SHANK2: variants seen among roughly 807,000 people sequenced by gnomAD.
The protein encoded by SHANK2 is SH3 and multiple ankyrin repeat domains 2.
Under a neutral mutation model 133.7 loss-of-function variants are expected in SHANK2, and 43 were observed. That is an observed-to-expected ratio of 0.32 (90% confidence interval 0.25 to 0.41). SHANK2 has a LOEUF of 0.41. SHANK2 is among the 10% of genes least tolerant of loss of function. SHANK2 has a pLI of 1.00. For missense variants in SHANK2, 1,994 were observed against 2,235.8 expected, an observed-to-expected ratio of 0.89 and a Z score of 2.18; for synonymous variants, 1,017 against 952.8, an observed-to-expected ratio of 1.07 and a Z score of -1.24.
At chr11:70,623,397 GATC>G (rs2060859455) in intron 17 of SHANK2, among the ~76,000 whole-genome samples, 1 of 152,224 alleles carries the variant, frequency 6.6e-6, no homozygotes, top group Non-Finnish European at 1.5e-5. Context: ...CCTTTTGGAG[GATC>G]ATCGTTATTT....
chr11:71,152,980 A>G (rs1472679939), intron 2 of SHANK2, among the ~76,000 whole-genome samples: 4 of 152,228 alleles, frequency 2.6e-5, no homozygotes, highest in Non-Finnish European at 5.9e-5. Flanking sequence ...ACTTTACTGC[A>G]TGTCCCAAAT....
chr11:71,086,529 A>T (rs1287852300), intron 8 of SHANK2, among the ~76,000 whole-genome samples: 1 of 142,538 alleles, frequency 7.0e-6, no homozygotes, highest in Non-Finnish European at 1.5e-5. Flanking sequence ...ATATAATATA[A>T]ATATATATAA....
intron 2 of SHANK2, among the ~76,000 whole-genome samples, chr11:71,157,530 C>T (rs183260379): frequency 6.6e-6 from 1 of 152,276 alleles, no homozygotes; most frequent in Admixed American, 6.5e-5. Context: ...TTTCTTTGGC[C>T]AGACTCAACA....
intron 9 of SHANK2, among the ~76,000 whole-genome samples, chr11:71,059,233 T>TAAAATA (rs1349305458): frequency 8.6e-5 from 13 of 151,476 alleles, no homozygotes; most frequent in African/African-American, 3.2e-4. Context: ...AATAAATAAA[T>TAAAATA]AAAATAAAAA....
chr11:71,167,487 G>A (rs1274352517), intron 2 of SHANK2, among the ~76,000 whole-genome samples: 9 of 143,010 alleles, frequency 6.3e-5, no homozygotes, highest in Non-Finnish European at 1.1e-4. Context: ...CAGTAGGGGC[G>A]GCCGGGCAGA....
chr11:70,761,710 C>A (rs2134982330), intron 14 of SHANK2, among the ~76,000 whole-genome samples: 1 of 152,362 alleles, frequency 6.6e-6, no homozygotes, highest in African/African-American at 2.4e-5. Flanking sequence ...GGCCTGGGAG[C>A]CTGCATTCCT....
upstream of SHANK2, among the ~76,000 whole-genome samples, chr11:71,252,778 G>C (rs980928948): frequency 2.6e-5 from 4 of 151,614 alleles, no homozygotes; most frequent in African/African-American, 7.3e-5. The surrounding 1 kb of genome is among the most constrained non-coding windows in gnomAD (Gnocchi z 6.3). Flanking sequence ...CGTGGGGTCT[G>C]TTGTGGCAAC....
chr11:71,138,660 GA>G (rs1197016078), intron 3 of SHANK2, among the ~76,000 whole-genome samples: 2 of 149,996 alleles, frequency 1.3e-5, no homozygotes, highest in African/African-American at 2.4e-5. Flanking sequence ...CTACTAAAAA[GA>G]AAAAAAAATC....
In SHANK2 at chr11:70,471,079, C is replaced by CT. The variant is rs574422871; in HGVS notation, c.*1789dup. 5.2e-6 allele frequency: 2 copies of CT among 387,900 alleles called. No homozygotes were observed. Among genetic ancestry groups the CT allele is most frequent in the Non-Finnish European group, 9.1e-6 (2 of 220,334 alleles). 24.0% of individuals were successfully genotyped at this position (387,900 alleles called of 1,614,324 possible). A position where few individuals can be genotyped will look rare whatever the true frequency, so the allele number is the denominator to read the frequency against. ...TATTAAATCACAAAAGTTTTTTTTT[C>CT]TTTAACTTTCTAGCACTGAAGTGGC... On this transcript the variant is annotated 3_prime_UTR_variant, in exon 26 of 26. Coordinates refer to ENST00000601538, the MANE Select transcript of SHANK2 (RefSeq NM_012309.5). This position sits in a 1 kb window ranked among gnomAD's most constrained non-coding sequence, Gnocchi z 4.1.
chr11:70,499,835 T>C (rs1280935743), intron 21 of SHANK2, among the ~76,000 whole-genome samples: 8 of 152,154 alleles, frequency 5.3e-5, no homozygotes, highest in African/African-American at 1.9e-4. Context: ...CCCAATCTCA[T>C]CTAACATGAT....
At chr11:70,850,852 G>A (rs376568758) in intron 11 of SHANK2, among the ~76,000 whole-genome samples, 1 of 152,210 alleles carries the variant, frequency 6.6e-6, no homozygotes, top group Non-Finnish European at 1.5e-5. Context: ...AAGTACCCGA[G>A]AGTCCTGACA....
chr11:70,857,750 C>T (rs1352466497), intron 11 of SHANK2, among the ~76,000 whole-genome samples: 2 of 152,324 alleles, frequency 1.3e-5, no homozygotes, highest in Admixed American at 1.3e-4. Flanking sequence ...GAAGAACTGA[C>T]GGCAGCCTTA....
At chr11:70,938,098 T>C (rs1555083727) in intron 10 of SHANK2, among the ~76,000 whole-genome samples, 1 of 152,124 alleles carries the variant, frequency 6.6e-6, no homozygotes, top group Non-Finnish European at 1.5e-5. Flanking sequence ...CAGGAATGAG[T>C]CTCTGCCCCA....
intron 14 of SHANK2, among the ~76,000 whole-genome samples, chr11:70,743,131 C>G (rs140362201): frequency 2.0e-5 from 3 of 152,158 alleles, no homozygotes; most frequent in Admixed American, 2.0e-4. Context: ...AGGCACAGGG[C>G]GGGGGCTGGA....
intron 14 of SHANK2, among the ~76,000 whole-genome samples, chr11:70,754,776 G>A (rs1442074565): frequency 2.0e-5 from 3 of 152,150 alleles, no homozygotes; most frequent in African/African-American, 7.2e-5. Flanking sequence ...GGACAAGGAT[G>A]AAAAGTCCAG....
intron 14 of SHANK2, among the ~76,000 whole-genome samples, chr11:70,737,761 C>G (rs184210275): frequency 6.6e-6 from 1 of 152,220 alleles, no homozygotes; most frequent in Non-Finnish European, 1.5e-5. Flanking sequence ...ACATCGCAAA[C>G]ATTTTGAGGA....
chr11:70,915,410 C>A (rs76308048), intron 10 of SHANK2, among the ~76,000 whole-genome samples: 1 of 152,142 alleles, frequency 6.6e-6, no homozygotes, highest in Non-Finnish European at 1.5e-5. Context: ...TAATGAGAGA[C>A]AATAATCCAA....
rs782598192 is a variant in SHANK2, at chr11:70,486,833, C to T, written c.3460G>A (p.Glu1154Lys). 8.7e-6 allele frequency: 14 copies of T among 1,612,656 alleles called. No homozygotes were observed. Among genetic ancestry groups the T allele is most frequent in the Admixed American group, 5.0e-5 (3 of 60,030 alleles). ...TCGGCGCCACCCACGAAATGGTTTT[C>T]GGGCTCCCTGGGCGTGGCACTCGGC... ...PMPSATPREP[E>K]NHFVGGAEAS... is the part of the protein sequence containing the mutation. Residue 1154 changes from glutamate to lysine, a missense_variant, in exon 25 of 26, where the codon GAA becomes AAA. Glu to Lys is a moderately conservative substitution (Grantham distance 56, BLOSUM62 1). Coordinates refer to ENST00000601538, the MANE Select transcript of SHANK2 (RefSeq NM_012309.5). This position sits in a 1 kb window ranked among gnomAD's most constrained non-coding sequence, Gnocchi z 8.0.
chr11:70,934,264 AC>A (rs1204954886), intron 10 of SHANK2, among the ~76,000 whole-genome samples: 1 of 150,734 alleles, frequency 6.6e-6, no homozygotes, highest in African/African-American at 2.4e-5. Context: ...AAAAAAAAAA[AC>A]AGCAGCAACA....
Sources: gnomAD v4.1 joint callset for allele counts (sites outside exome capture counted in the v4.1 genomes callset) on GRCh38, gnomAD v4.1.1 for gene constraint, Gnocchi (gnomAD v3.1) non-coding constraint, MANE v1.5 for transcripts, NCBI Gene and HGNC (gene_info 2026-07-23, HGNC 2026-07-21) for gene names.